Variants in PEX5L observed in about 807,000 individuals in gnomAD.
PEX5L encodes PEX5-related protein.
Under a neutral mutation model 84.0 loss-of-function variants are expected in PEX5L, and 30 were observed. The ratio of observed to expected loss-of-function variants is 0.36; its 90% CI spans 0.27 to 0.48. PEX5L has a LOEUF of 0.48. Ranked by LOEUF, PEX5L falls within the 20% of genes least tolerant of loss-of-function variation. PEX5L has a pLI of 0.99. For synonymous variants in PEX5L, 270 were observed against 283.1 expected, an observed-to-expected ratio of 0.95 and a Z score of 0.46; for missense variants, 533 against 754.6, an observed-to-expected ratio of 0.71 and a Z score of 3.44.
At chr3:179,997,260 CCAGGGGACCCAAAA>C (rs1210591574) in intron 1 of PEX5L, among the ~76,000 whole-genome samples, 1 of 152,126 alleles carries the variant, frequency 6.6e-6, no homozygotes, top group Non-Finnish European at 1.5e-5. Flanking sequence ...GATGTTGATT[CCAGGGGACCCAAAA>C]CAGCATTGTG....
Position 179,844,757 on chromosome 3 carries a change from G to A in PEX5L, c.822+14305C>T, listed in dbSNP as rs188138729. Among the ~76,000 whole-genome samples the A allele has an allele frequency of 7.3e-3, 1,108 of 152,280 alleles. 16 individuals are homozygous for A. Among genetic ancestry groups the A allele is most frequent in the African/African-American group, 0.025 (1,055 of 41,544 alleles). On this transcript the variant is annotated intron_variant, in intron 8 of 14. Coordinates refer to ENST00000467460, the MANE Select transcript of PEX5L (RefSeq NM_016559.3). ...AGGCAGGAGAATGGCGTGAACCCGG[G>A]AGGCAGAGCTTGCAGTGAGCCGAGA...
chr3:180,006,541 C>T (rs1788912259), intron 1 of PEX5L, among the ~76,000 whole-genome samples: 1 of 152,142 alleles, frequency 6.6e-6, no homozygotes, highest in South Asian at 2.1e-4. Flanking sequence ...AACAAACTCT[C>T]CAATCCCATC....
rs566211896 is a variant in PEX5L at position 179,997,222 on chromosome 3, AG to A, written c.22-25558del. Among the ~76,000 whole-genome samples the A allele has an allele frequency of 3.3e-5, 5 of 152,318 alleles. No individual in the cohort carries two copies. In the South Asian group the frequency reaches 1.0e-3, roughly 32 times the overall value. On this transcript the variant is annotated intron_variant, in intron 1 of 14. Coordinates refer to ENST00000467460, the MANE Select transcript of PEX5L (RefSeq NM_016559.3). ...GGAAAGGGAAGTGATCAGACATTTC[AG>A]GGACTACTGGACACTGGCTCTGAGC...
At chr3:179,959,320 C>G (rs1781439734) in intron 2 of PEX5L, among the ~76,000 whole-genome samples, 1 of 152,150 alleles carries the variant, frequency 6.6e-6, no homozygotes, top group Admixed American at 6.6e-5. Flanking sequence ...TAACGCACAT[C>G]TTAGTTCTTA....
intron 2 of PEX5L, among the ~76,000 whole-genome samples, chr3:179,923,301 A>ACAAC (rs1553900532): frequency 2.8e-5 from 4 of 143,276 alleles, no homozygotes; most frequent in Non-Finnish European, 4.5e-5. Flanking sequence ...AAAAAAAAAA[A>ACAAC]AAAAAAAAAA....
intron 8 of PEX5L, among the ~76,000 whole-genome samples, chr3:179,857,302 G>T (rs10937012): frequency 2.0e-5 from 3 of 151,956 alleles, no homozygotes; most frequent in African/African-American, 4.8e-5. Flanking sequence ...TGCTCCAGAG[G>T]GGGTAAAACC....
At chr3:179,976,381 C>T (rs950678560) in intron 1 of PEX5L, among the ~76,000 whole-genome samples, 6 of 151,820 alleles carry the variant, frequency 4.0e-5, no homozygotes, top group East Asian at 1.9e-4. Flanking sequence ...TGGTGGTGAG[C>T]GTAGGAAGAT....
chr3:179,942,124 A>G (rs1014774833), intron 2 of PEX5L, among the ~76,000 whole-genome samples: 10 of 151,940 alleles, frequency 6.6e-5, no homozygotes, highest in Non-Finnish European at 1.0e-4. Flanking sequence ...GCTTTTTACC[A>G]CTGGAGGAAA....
chr3:179,808,138 A>G (rs1307819929), intron 13 of PEX5L, 134 bp downstream of exon 13: 11 of 670,614 alleles, frequency 1.6e-5, no homozygotes, highest in Admixed American at 3.3e-5. Context: ...GTAGCACATT[A>G]TTATTAGTAC....
At chr3:179,904,022 T>G (rs1054678228) in intron 2 of PEX5L, among the ~76,000 whole-genome samples, 3 of 152,252 alleles carry the variant, frequency 2.0e-5, no homozygotes, top group Non-Finnish European at 4.4e-5. Flanking sequence ...CAATCCATGA[T>G]GAATTTACCA....
chr3:179,897,657 A>C (rs1759806056), intron 3 of PEX5L, among the ~76,000 whole-genome samples: 1 of 152,156 alleles, frequency 6.6e-6, no homozygotes, highest in African/African-American at 2.4e-5. Flanking sequence ...ATCCACATAA[A>C]TATGTATAGA....
intron 2 of PEX5L, among the ~76,000 whole-genome samples, chr3:179,962,167 A>C (rs1782240959): frequency 2.2e-5 from 2 of 89,776 alleles, no homozygotes; most frequent in South Asian, 1.0e-3. Context: ...AGACAAATAG[A>C]CTTTTAGCTG....
In PEX5L at chr3:180,036,886, C is replaced by T. The variant is rs1217511737; in HGVS notation, c.-287G>A. 1 of 521,106 alleles carries T rather than the reference C, an allele frequency of 1.9e-6. No individual in the cohort carries two copies. The highest frequency in any genetic ancestry group is 1.9e-5 in the African/African-American group (1 of 52,250). The allele number at this position is 521,106 out of a possible 1,614,324, so 32.3% of individuals were successfully genotyped here. A position where few individuals can be genotyped will look rare whatever the true frequency, so the allele number is the denominator to read the frequency against. On this transcript the variant is annotated 5_prime_UTR_variant, in exon 1 of 15. Transcript: ENST00000467460. ...CTCCTGCAGGCGCGGGTCCTGCTCG[C>T]GGGGCGTCTCTAGAACTCACTCCTT...
chr3:179,815,372 G>C (rs1340239425), intron 10 of PEX5L, among the ~76,000 whole-genome samples: 1 of 152,212 alleles, frequency 6.6e-6, no homozygotes, highest in Non-Finnish European at 1.5e-5. Flanking sequence ...ATCACTTGAG[G>C]TCAGGAGTTC....
At chr3:179,825,452 T>C (rs1730092592) in intron 8 of PEX5L, among the ~76,000 whole-genome samples, 2 of 152,176 alleles carry the variant, frequency 1.3e-5, no homozygotes, top group South Asian at 4.1e-4. Flanking sequence ...TGTGAGTGTC[T>C]CTGGTTGCAA....
chr3:179,973,259 T>G (rs1191286571), intron 1 of PEX5L: 4 of 1,288,942 alleles, frequency 3.1e-6, no homozygotes, highest in Non-Finnish European at 3.0e-6. Context: ...CATCCCAGAA[T>G]TCTTTATGCC....
In PEX5L at chr3:179,859,252, A is replaced by G. The variant is rs2108533833; in HGVS notation, c.727-95T>C. On this transcript the variant is annotated intron_variant, in intron 7 of 14. Coordinates refer to ENST00000467460, the MANE Select transcript of PEX5L (RefSeq NM_016559.3). ...TTTCCTTTTCCCATTTCACTTCCCT[A>G]GAGTTCAAGAATCATCTGTGACTGA... is the stretch of plus-strand genomic sequence containing the variant. 1.0e-5 allele frequency: 9 copies of G among 888,548 alleles called. No individual in the cohort carries two copies. The South Asian group carries it at 1.3e-4, about 13-fold the overall frequency. The allele number at this position is 888,548 out of a possible 1,614,324, so 55.0% of individuals were successfully genotyped here.
intron 2 of PEX5L, among the ~76,000 whole-genome samples, chr3:179,903,206 C>T (rs1225049251): frequency 1.3e-5 from 2 of 151,774 alleles, no homozygotes; most frequent in African/African-American, 4.8e-5. Flanking sequence ...AAACTCCTGC[C>T]ATCTATATAT....
intron 1 of PEX5L, among the ~76,000 whole-genome samples, chr3:180,021,447 T>C (rs905711136): frequency 6.6e-6 from 1 of 152,184 alleles, no homozygotes; most frequent in Non-Finnish European, 1.5e-5. Flanking sequence ...TCAACAGGGC[T>C]GCAGTGGGGT....
Sources: allele counts gnomAD v4.1 joint callset (sites outside exome capture counted in the v4.1 genomes callset), GRCh38; gene constraint gnomAD v4.1.1; transcripts MANE v1.5; gene names NCBI Gene and HGNC (gene_info 2026-07-23, HGNC 2026-07-21).